The following ST6GAL2 variants were observed in gnomAD, a reference collection of about 807,000 sequenced individuals.
ST6GAL2 encodes the protein ST6 beta-galactoside alpha-2,6-sialyltransferase 2, also known as beta-galactoside alpha-2,6-sialyltransferase 2.
In ST6GAL2, 24 loss-of-function variants were observed where a neutral mutation model predicts 37.5. The observed-to-expected ratio is 0.64, with a 90% CI of 0.46 to 0.90. ST6GAL2 has a LOEUF of 0.90. Among genes scored for constraint, ST6GAL2 ranks in the 40% least tolerant of loss-of-function variants. The probability of loss-of-function intolerance (pLI) is 0.00; values close to 1 mark genes in which losing one functional copy is unlikely to be tolerated. For missense variants in ST6GAL2, 715 were observed against 712.7 expected, an observed-to-expected ratio of 1.00 and a Z score of -0.04; for synonymous variants, 306 against 295.1, an observed-to-expected ratio of 1.04 and a Z score of -0.38.
intron 5 of ST6GAL2, among the ~76,000 whole-genome samples, chr2:106,824,505 G>A (rs1009748646): frequency 5.3e-5 from 8 of 152,056 alleles, no homozygotes; most frequent in East Asian, 3.9e-4. Context: ...GGTGGCACGC[G>A]CCTGTAGTCC....
At chr2:106,859,712 C>T (rs144847600) in intron 1 of ST6GAL2, among the ~76,000 whole-genome samples, 31 of 152,212 alleles carry the variant, frequency 2.0e-4, no homozygotes, top group Middle Eastern at 3.4e-3. Context: ...TGGACCTAGT[C>T]GCCTCTCACC....
chr2:106,826,564 A>G (rs903631808), intron 5 of ST6GAL2, among the ~76,000 whole-genome samples: 1 of 151,896 alleles, frequency 6.6e-6, no homozygotes, highest in Admixed American at 6.6e-5. Context: ...AAAAATCAGA[A>G]AACAACCAAA....
At chr2:106,833,879 G>A (rs1676525109) in intron 3 of ST6GAL2, among the ~76,000 whole-genome samples, 170 bp downstream of exon 3, 1 of 151,806 alleles carries the variant, frequency 6.6e-6, no homozygotes, top group Admixed American at 6.6e-5. Context: ...TTTCTCTGCA[G>A]TTTTCTTCAT....
intron 1 of ST6GAL2, among the ~76,000 whole-genome samples, chr2:106,856,651 G>A (rs1451129546): frequency 1.3e-5 from 2 of 152,200 alleles, no homozygotes; most frequent in Non-Finnish European, 2.9e-5. Flanking sequence ...TTTTATGGAT[G>A]AGAAAAATGA....
chr2:106,886,303 T>TG (rs1678991193), upstream of ST6GAL2: 1 of 152,016 alleles, frequency 6.6e-6, no homozygotes, highest in Non-Finnish European at 1.5e-5. Context: ...CCGCGGAACT[T>TG]GGGGGCTGCA....
rs1031220980 is a variant in ST6GAL2 at position 106,803,029 on chromosome 2, G to A, written c.*3649C>T. ...AAACGGGACCTACCTAATTAATTCA[G>A]GAGATGTGTTACTGCTCAGAAGAGT... On this transcript the variant is annotated 3_prime_UTR_variant, in exon 6 of 6. Coordinates refer to ENST00000409382, the MANE Select transcript of ST6GAL2 (RefSeq NM_001142351.2). 6 of 152,210 alleles carry A rather than the reference G, an allele frequency of 3.9e-5. No homozygotes were observed. Among genetic ancestry groups the A allele is most frequent in the Non-Finnish European group, 7.3e-5 (5 of 68,056 alleles). 9.4% of individuals were successfully genotyped at this position (152,210 alleles called of 1,614,324 possible).
intron 5 of ST6GAL2, among the ~76,000 whole-genome samples, chr2:106,813,985 T>C (rs1675705847): frequency 6.6e-6 from 1 of 152,206 alleles, no homozygotes; most frequent in Non-Finnish European, 1.5e-5. Flanking sequence ...ACAGCTACAC[T>C]TGAGATTCTT....
intron 1 of ST6GAL2, among the ~76,000 whole-genome samples, chr2:106,845,747 A>G (rs933150458): frequency 6.6e-6 from 1 of 152,184 alleles, no homozygotes; most frequent in African/African-American, 2.4e-5. Flanking sequence ...GTGGACACAG[A>G]TTCTGTGACC....
At chr2:106,886,573 TC>T (rs888920935), upstream of ST6GAL2, 3 of 151,566 alleles carry the variant, frequency 2.0e-5, no homozygotes, top group Admixed American at 6.6e-5. Flanking sequence ...CGGCGGCGGC[TC>T]CCGCGGCCAG....
chr2:106,884,543 C>A (rs1233977887), intron 1 of ST6GAL2, among the ~76,000 whole-genome samples: 4 of 152,110 alleles, frequency 2.6e-5, no homozygotes, highest in Admixed American at 2.6e-4. Flanking sequence ...ACTCCTATCA[C>A]AATCTCTACA....
At chr2:106,884,254 T>C (rs1479377119) in intron 1 of ST6GAL2, among the ~76,000 whole-genome samples, 3 of 152,162 alleles carry the variant, frequency 2.0e-5, no homozygotes, top group Admixed American at 1.3e-4. Context: ...CCCCACAGAG[T>C]AAACCTTTTC....
At chr2:106,864,650 T>G (rs1677949007) in intron 1 of ST6GAL2, among the ~76,000 whole-genome samples, 2 of 152,222 alleles carry the variant, frequency 1.3e-5, no homozygotes, top group African/African-American at 4.8e-5. Flanking sequence ...CAGATCAGTT[T>G]CTTCAACTGG....
intron 5 of ST6GAL2, among the ~76,000 whole-genome samples, chr2:106,819,105 A>G (rs2104436315): frequency 6.6e-6 from 1 of 152,296 alleles, no homozygotes; most frequent in South Asian, 2.1e-4. Flanking sequence ...TCTAGAAAAT[A>G]GCCTCAAAAG....
rs1260799691 is a variant in ST6GAL2, at chr2:106,803,126, C to CTACTT, written c.*3547_*3551dup. On this transcript the variant is annotated 3_prime_UTR_variant, in exon 6 of 6. Coordinates refer to ENST00000409382, the MANE Select transcript of ST6GAL2 (RefSeq NM_001142351.2). The stretch of plus-strand genomic sequence containing the variant: ...ATACACATGTAAGAGAGTGACCCAG[C>CTACTT]TACTTTGATTTCCTAATTTTGAAAA... 2.0e-5 allele frequency: 3 copies of CTACTT among 152,182 alleles called. No homozygotes were observed. Among genetic ancestry groups the CTACTT allele is most frequent in the Admixed American group, 6.5e-5 (1 of 15,282 alleles). The allele number at this position is 152,182 out of a possible 1,614,324, so 9.4% of individuals were successfully genotyped here. A position where few individuals can be genotyped will look rare whatever the true frequency, so the allele number is the denominator to read the frequency against.
intron 1 of ST6GAL2, among the ~76,000 whole-genome samples, chr2:106,878,637 G>T (rs1173297996): frequency 6.6e-6 from 1 of 152,174 alleles, no homozygotes; most frequent in African/African-American, 2.4e-5. Flanking sequence ...TAACTGTTTA[G>T]ATAGAATCTA....
At chr2:106,869,201 G>C (rs1678159812) in intron 1 of ST6GAL2, among the ~76,000 whole-genome samples, 1 of 152,104 alleles carries the variant, frequency 6.6e-6, no homozygotes, top group African/African-American at 2.4e-5. Context: ...GCCTGGAAGG[G>C]AGCTGCAGAC....
chr2:106,843,272 C>T lies in ST6GAL2; in HGVS notation c.706G>A (p.Val236Met). The change falls in exon 2 of 6, where the codon GTG becomes ATG. Residue 236 changes from valine to methionine, a missense_variant. Coordinates refer to ENST00000409382, the MANE Select transcript of ST6GAL2 (RefSeq NM_001142351.2). ...GCCTCCCGCTTCCCGCGGAAGCGCACCCCGTGCTTGTTGGCGGTCAGGTAA... is the reference window on the plus strand; with the variant it reads ...GCCTCCCGCTTCCCGCGGAAGCGCATCCCGTGCTTGTTGGCGGTCAGGTAA... Reference protein sequence around the residue: ...KDYLTANKHGVRFRGKREAGL... With the variant: ...KDYLTANKHGMRFRGKREAGL... 6.2e-7 allele frequency: 1 copy of T among 1,607,698 alleles called. No individual in the cohort carries two copies.
intron 1 of ST6GAL2, among the ~76,000 whole-genome samples, chr2:106,866,053 T>C (rs1678012755): frequency 6.6e-6 from 1 of 152,222 alleles, no homozygotes; most frequent in African/African-American, 2.4e-5. Flanking sequence ...TTAACTTTTA[T>C]TAAAGGCTTA....
In ST6GAL2 at chr2:106,877,369, T is replaced by A. The variant is rs114021205; in HGVS notation, c.-58+8724A>T. ...ATGAAAGTAAATCTGGATTAAAATA[T>A]TACATATACATGTATATACACACGA... On this transcript the variant is annotated intron_variant, in intron 1 of 5. Coordinates refer to ENST00000409382, the MANE Select transcript of ST6GAL2 (RefSeq NM_001142351.2). Among the ~76,000 whole-genome samples, 962 of 152,376 alleles carry A rather than the reference T, an allele frequency of 6.3e-3. 3 individuals carry two copies. Among genetic ancestry groups the A allele is most frequent in the Non-Finnish European group, 0.01 (710 of 68,040 alleles).
Sources: allele counts gnomAD v4.1 joint callset (sites outside exome capture counted in the v4.1 genomes callset), GRCh38; gene constraint gnomAD v4.1.1; transcripts MANE v1.5; gene names NCBI Gene and HGNC (gene_info 2026-07-23, HGNC 2026-07-21).